ARB2A: variants seen among roughly 807,000 people sequenced by gnomAD.
ARB2A encodes the protein cotranscriptional regulator ARB2A.
At chr5:93,629,112 G>T in the ARB2A span, among the ~76,000 whole-genome samples, 1 of 152,108 alleles carries the variant, frequency 6.6e-6, no homozygotes, top group Non-Finnish European at 1.5e-5. Flanking sequence ...GCCATTGTAG[G>T]GTTATTAATT....
the ARB2A span, among the ~76,000 whole-genome samples, chr5:93,760,677 G>A: frequency 6.6e-6 from 1 of 152,202 alleles, no homozygotes; most frequent in Non-Finnish European, 1.5e-5. Flanking sequence ...AACAAATGGT[G>A]CTGGGATAAT....
the ARB2A span, among the ~76,000 whole-genome samples, chr5:93,630,303 T>C: frequency 4.6e-5 from 7 of 151,904 alleles, no homozygotes; most frequent in African/African-American, 1.2e-4. Context: ...TGCACGGAGA[T>C]TGTGTAAGGA....
the ARB2A span, among the ~76,000 whole-genome samples, chr5:93,909,931 T>C: frequency 6.6e-6 from 1 of 151,012 alleles, no homozygotes; most frequent in African/African-American, 2.4e-5. Context: ...ACAAATTTAT[T>C]GTGATGAAAA....
chr5:93,631,808 GGA>G, the ARB2A span, among the ~76,000 whole-genome samples: 1 of 150,726 alleles, frequency 6.6e-6, no homozygotes, highest in Middle Eastern at 3.5e-3. Context: ...AGGGAGAGGG[GGA>G]GAGGGGAGGG....
the ARB2A span, among the ~76,000 whole-genome samples, chr5:93,621,682 T>C: frequency 6.6e-6 from 1 of 152,218 alleles, no homozygotes; most frequent in Non-Finnish European, 1.5e-5. Flanking sequence ...GAAGGGGGAA[T>C]GATTTTTCTT....
the ARB2A span, among the ~76,000 whole-genome samples, chr5:93,844,004 C>A: frequency 6.6e-6 from 1 of 151,274 alleles, no homozygotes; most frequent in Admixed American, 6.6e-5. Flanking sequence ...AAATTTAGAA[C>A]CCAGGAACAA....
the ARB2A span, among the ~76,000 whole-genome samples, chr5:93,688,068 G>T: frequency 6.6e-6 from 1 of 151,884 alleles, no homozygotes; most frequent in Non-Finnish European, 1.5e-5. Flanking sequence ...CCATCTCCTG[G>T]GTTCAAGTGA....
chr5:93,881,063 T>TTGTGAGTATA, the ARB2A span, among the ~76,000 whole-genome samples: 1 of 151,670 alleles, frequency 6.6e-6, no homozygotes. Flanking sequence ...TGTCTTAGAA[T>TTGTGAGTATA]TGTGAGGCTA....
chr5:93,903,837 T>C, the ARB2A span, among the ~76,000 whole-genome samples: 2 of 151,820 alleles, frequency 1.3e-5, no homozygotes, highest in South Asian at 4.2e-4. Context: ...TCACATGAGT[T>C]GGTAAATCAG....
At chr5:93,727,949 T>C in the ARB2A span, among the ~76,000 whole-genome samples, 1 of 152,074 alleles carries the variant, frequency 6.6e-6, no homozygotes. Flanking sequence ...AATTCTGCAG[T>C]TTTATATGGA....
chr5:93,988,569 T>G, the ARB2A span, among the ~76,000 whole-genome samples: 2 of 152,158 alleles, frequency 1.3e-5, no homozygotes, highest in Non-Finnish European at 2.9e-5. Flanking sequence ...AACACTTAAA[T>G]AATTAATAAT....
chr5:93,665,908 C>T, the ARB2A span, among the ~76,000 whole-genome samples: 2 of 152,156 alleles, frequency 1.3e-5, no homozygotes, highest in African/African-American at 4.8e-5. Flanking sequence ...GCACCAGAGA[C>T]GTTCTTTTCT....
the ARB2A span, chr5:93,865,970 T>C: frequency 1.0e-6 from 1 of 985,468 alleles, no homozygotes; most frequent in Non-Finnish European, 1.2e-6. Context: ...GGGTTGCTAG[T>C]AAGAATTATG....
the ARB2A span, among the ~76,000 whole-genome samples, chr5:94,102,223 A>G: frequency 6.6e-6 from 1 of 152,128 alleles, no homozygotes; most frequent in South Asian, 2.1e-4. Flanking sequence ...GATGGCAAGG[A>G]GAATCATCAA....
the ARB2A span, among the ~76,000 whole-genome samples, chr5:93,873,309 GGGA>G: frequency 1.7e-5 from 1 of 57,224 alleles, no homozygotes; most frequent in African/African-American, 6.5e-5. Context: ...AAAGGGGGGG[GGGA>G]AAGAAAGGAA....
the ARB2A span, among the ~76,000 whole-genome samples, chr5:93,957,329 AT>A: frequency 1.3e-5 from 2 of 152,122 alleles, no homozygotes; most frequent in Admixed American, 1.3e-4. Context: ...AAAGCATCCG[AT>A]TTTCTTTACT....
chr5:93,740,845 A>C, the ARB2A span: 1 of 1,613,760 alleles, frequency 6.2e-7, no homozygotes, highest in South Asian at 1.1e-5. Context: ...AATGTGGCTG[A>C]TTTGCTGGGG....
chr5:93,852,092 T>C, the ARB2A span, among the ~76,000 whole-genome samples: 3 of 152,220 alleles, frequency 2.0e-5, no homozygotes, highest in Non-Finnish European at 2.9e-5. Context: ...TGTTCCTATT[T>C]CTCCACATCC....
chr5:93,794,577 C>T, the ARB2A span, among the ~76,000 whole-genome samples: 1 of 152,140 alleles, frequency 6.6e-6, no homozygotes, highest in Non-Finnish European at 1.5e-5. Flanking sequence ...GATTCAAGGG[C>T]TGCCATTCAG....
Sources: allele counts gnomAD v4.1 joint callset (sites outside exome capture counted in the v4.1 genomes callset), GRCh38; gene constraint gnomAD v4.1.1; transcripts MANE v1.5; gene names NCBI Gene and HGNC (gene_info 2026-07-23, HGNC 2026-07-21).